The following ASPH variants were observed in gnomAD, a reference collection of about 807,000 sequenced individuals.
The protein encoded by ASPH is aspartyl/asparaginyl beta-hydroxylase.
ASPH carries 100 observed loss-of-function variants against 118.4 expected under a neutral mutation model. That is an observed-to-expected ratio of 0.84 (90% CI 0.72 to 1.00). The LOEUF is 1.00. Among genes scored for constraint, ASPH ranks in the 50% least tolerant of loss-of-function variants. The pLI is 0.00. For missense variants in ASPH, 920 were observed against 919.5 expected (o/e 1.00, Z -0.01); for synonymous variants, 315 against 325.6 (o/e 0.97, Z 0.35).
chr8:61,551,656 A>G (rs1826065440), intron 20 of ASPH, among the ~76,000 whole-genome samples: 1 of 152,178 alleles, frequency 6.6e-6, no homozygotes, highest in African/African-American at 2.4e-5. Flanking sequence ...GGCTTCTTTC[A>G]TCTGTCTTTG....
chr8:61,586,789 C>T (rs1308420080), intron 14 of ASPH, among the ~76,000 whole-genome samples: 1 of 152,190 alleles, frequency 6.6e-6, no homozygotes, highest in African/African-American at 2.4e-5. Context: ...CCTCTCCCTA[C>T]AGGGGAGGTG....
chr8:61,518,157 C>A (rs749936441), intron 22 of ASPH, 34 bp from the exon 23 acceptor site: 3 of 1,577,412 alleles, frequency 1.9e-6, no homozygotes, highest in South Asian at 2.2e-5. Context: ...GGAAACAAAT[C>A]ACAGTAAAGC....
chr8:61,656,084 G>A (rs1464877331), intron 3 of ASPH: 1 of 152,152 alleles, frequency 6.6e-6, no homozygotes, highest in Non-Finnish European at 1.5e-5. Flanking sequence ...AAGCGAAAAT[G>A]AATCAAGAAA....
Position 61,548,114 on chromosome 8 carries a change from G to T in ASPH, c.1721C>A (p.Pro574His). 1 of 1,613,966 alleles carries T rather than the reference G, an allele frequency of 6.2e-7. No homozygotes were observed. The highest frequency in any genetic ancestry group is 8.5e-7 in the Non-Finnish European group (1 of 1,179,896). Residue 574 changes from proline to histidine, a missense_variant, in exon 21 of 25, where the codon CCT (proline) becomes CAT (histidine). Physicochemically the swap from Pro to His is moderately conservative, Grantham distance 77. Coordinates refer to ENST00000379454, the MANE Select transcript of ASPH (RefSeq NM_004318.4). ...GCCCGTTTCTTTTGGGGTCCACCAA[G>T]GCTGTGCTTTCAGTCCATTCACATT... ...LYNVNGLKAQPWWTPKETGYT... is the reference protein window; with the variant it reads ...LYNVNGLKAQHWWTPKETGYT...
At chr8:61,618,869 A>G in intron 14 of ASPH, 109 bp downstream of exon 14, 1 of 952,822 alleles carries the variant, frequency 1.0e-6, no homozygotes, top group Non-Finnish European at 1.6e-6. Context: ...CCCAGGAGCA[A>G]ATTCTTTTAA....
chr8:61,526,459 A>G (rs1057372632), intron 21 of ASPH, among the ~76,000 whole-genome samples: 7 of 152,186 alleles, frequency 4.6e-5, no homozygotes, highest in African/African-American at 1.4e-4. Context: ...GTACACTGTA[A>G]TAACTTCCAT....
intron 21 of ASPH, among the ~76,000 whole-genome samples, chr8:61,543,850 T>C (rs568057826): frequency 6.6e-6 from 1 of 152,336 alleles, no homozygotes; most frequent in South Asian, 2.1e-4. Flanking sequence ...TTGTGAAATC[T>C]CTATTGCCTG....
intron 13 of ASPH, chr8:61,626,387 T>A: frequency 3.1e-6 from 4 of 1,300,034 alleles, no homozygotes; most frequent in Admixed American, 3.9e-5. Flanking sequence ...AAAGTAATTT[T>A]TTTTTTTTGG....
Position 61,643,436 on chromosome 8 carries a change from A to C in ASPH, c.710-3T>G. 6.2e-7 allele frequency: 1 copy of C among 1,602,796 alleles called. No homozygotes were observed. The highest frequency in any genetic ancestry group is 1.3e-5 in the African/African-American group (1 of 75,012). On this transcript the variant is annotated splice_polypyrimidine_tract_variant and splice_region_variant and intron_variant, in intron 8 of 24. Transcript: ENST00000379454. The stretch of plus-strand genomic sequence containing the variant: ...TTCTACTACTGGTTCACTGGAATCT[A>C]AAAAACAAAAACACACCTTTGCCAA...
At chr8:61,561,985 T>A (rs975511401) in intron 18 of ASPH, among the ~76,000 whole-genome samples, 1 of 152,152 alleles carries the variant, frequency 6.6e-6, no homozygotes, top group Non-Finnish European at 1.5e-5. Context: ...CACTGAGTGG[T>A]AGCATATTGA....
chr8:61,622,948 C>G (rs1428043067), intron 13 of ASPH, among the ~76,000 whole-genome samples: 1 of 152,196 alleles, frequency 6.6e-6, no homozygotes, highest in East Asian at 1.9e-4. Context: ...ACAACCTGTT[C>G]TAGAACCCCA....
chr8:61,523,209 G>A (rs1223578655), intron 22 of ASPH, among the ~76,000 whole-genome samples: 1 of 151,870 alleles, frequency 6.6e-6, no homozygotes, highest in Non-Finnish European at 1.5e-5. Context: ...TTCCACTCCA[G>A]AATTCTTCTC....
chr8:61,567,133 C>T (rs757461530), intron 17 of ASPH, 35 bp downstream of exon 17: 1 of 1,605,022 alleles, frequency 6.2e-7, no homozygotes, highest in Non-Finnish European at 8.5e-7. Flanking sequence ...AAACATATGC[C>T]ATTTCCTACT....
chr8:61,638,157 T>C, intron 11 of ASPH, 154 bp from the exon 12 acceptor site: 1 of 1,147,262 alleles, frequency 8.7e-7, no homozygotes, highest in South Asian at 1.5e-5. Flanking sequence ...GCAGAGTATT[T>C]ATATTAGAAT....
At chr8:61,562,705 A>C in intron 18 of ASPH, 39 bp downstream of exon 18, 1 of 1,529,452 alleles carries the variant, frequency 6.5e-7, no homozygotes, top group Non-Finnish European at 8.8e-7. Context: ...ATAGCCTTAG[A>C]ACTTAATTTG....
intron 14 of ASPH, 86 bp from the exon 15 acceptor site, chr8:61,584,115 C>G: frequency 1.2e-6 from 1 of 826,196 alleles, no homozygotes; most frequent in Non-Finnish European, 1.8e-6. Context: ...AGTGGGAAAC[C>G]TGATGCTGGT....
chr8:61,625,542 T>C (rs1227626621), intron 13 of ASPH: 1 of 985,036 alleles, frequency 1.0e-6, no homozygotes, highest in Non-Finnish European at 1.2e-6. Flanking sequence ...ATGATAATAG[T>C]AGGGCCATTC....
intron 13 of ASPH, among the ~76,000 whole-genome samples, chr8:61,629,216 G>C (rs1175838691): frequency 6.6e-6 from 1 of 152,198 alleles, no homozygotes; most frequent in Non-Finnish European, 1.5e-5. Context: ...GCATTCTGAA[G>C]AACATGGTTA....
chr8:61,502,725 G>T lies in ASPH; in HGVS notation c.*634C>A, dbSNP rs2129609974. On this transcript the variant is annotated 3_prime_UTR_variant, in exon 25 of 25. Coordinates refer to ENST00000379454, the MANE Select transcript of ASPH (RefSeq NM_004318.4). Reference sequence around the variant, plus strand: ...TCAATCAAGATAAAAAAAACCAAACGATTTGAGAGTTGGGATGGGTACAGT... The same window carrying T: ...TCAATCAAGATAAAAAAAACCAAACTATTTGAGAGTTGGGATGGGTACAGT... 1 of 152,150 alleles carries T rather than the reference G, an allele frequency of 6.6e-6. No homozygotes were observed. The highest frequency in any genetic ancestry group is 1.9e-4 in the East Asian group (1 of 5,174). 9.4% of individuals were successfully genotyped at this position (152,150 alleles called of 1,614,324 possible). A position where few individuals can be genotyped will look rare whatever the true frequency, so the allele number is the denominator to read the frequency against.
Sources: allele counts gnomAD v4.1 joint callset (sites outside exome capture counted in the v4.1 genomes callset), GRCh38; gene constraint gnomAD v4.1.1; transcripts MANE v1.5; gene names NCBI Gene and HGNC (gene_info 2026-07-23, HGNC 2026-07-21).